Variants in SSBP1 observed in about 807,000 individuals in gnomAD.
The protein encoded by SSBP1 is single-stranded DNA-binding protein, mitochondrial.
A neutral mutation model predicts 27.0 loss-of-function variants in SSBP1; 20 were observed. The ratio of observed to expected loss-of-function variants is 0.74; its 90% CI spans 0.52 to 1.08. The LOEUF (loss-of-function observed/expected upper bound fraction) is 1.08. SSBP1 is among the 50% of genes least tolerant of loss of function. The pLI, the probability that SSBP1 is intolerant of heterozygous loss-of-function variation, is 0.00. For synonymous variants in SSBP1, 59 were observed against 59.3 expected (o/e 1.00, Z 0.02); for missense variants, 137 against 182.4 (o/e 0.75, Z 1.44).
intron 3 of SSBP1, among the ~76,000 whole-genome samples, chr7:141,743,016 A>G (rs556686912): frequency 3.5e-4 from 53 of 152,232 alleles, no homozygotes; most frequent in South Asian, 1.2e-3. Context: ...CACCACGCCC[A>G]GCTAATTTTT....
intron 1 of SSBP1, 38 bp downstream of exon 1, chr7:141,738,448 T>G (rs1180219982): frequency 6.5e-6 from 1 of 152,988 alleles, no homozygotes; most frequent in African/African-American, 2.4e-5. Flanking sequence ...AAGGAAGTGC[T>G]GGAGTCGTGT....
At chr7:141,745,725 T>TA (rs1799757847) in intron 6 of SSBP1, 141 bp downstream of exon 6, 1 of 1,395,072 alleles carries the variant, frequency 7.2e-7, no homozygotes, top group African/African-American at 1.4e-5. Context: ...CCATAACTCT[T>TA]ATTTCTCTAC....
At chr7:141,748,520 T>C (rs1799863931) in intron 6 of SSBP1, among the ~76,000 whole-genome samples, 1 of 152,238 alleles carries the variant, frequency 6.6e-6, no homozygotes, top group African/African-American at 2.4e-5. Context: ...TGTATTAACC[T>C]TGAAAAGCAG....
chr7:141,742,512 G>A lies in SSBP1; in HGVS notation c.85+283G>A, dbSNP rs559224998. Among the ~76,000 whole-genome samples the A allele has an allele frequency of 2.4e-4, 36 of 152,304 alleles. No individual in the cohort carries two copies. In the South Asian group the frequency reaches 7.1e-3, roughly 30 times the overall value. On this transcript the variant is annotated intron_variant, in intron 3 of 6. Transcript: ENST00000265304. ...GGTTATCTGAGTCTTCCCGGGTTAT[G>A]TTGTATTAGGCTGAGATTGTAAAAG...
intron 2 of SSBP1, chr7:141,740,000 T>TA (rs1291141513): frequency 6.6e-6 from 1 of 152,348 alleles, no homozygotes; most frequent in East Asian, 1.9e-4. Context: ...AAGTTTAATT[T>TA]AAAAAATTAT....
chr7:141,739,888 T>C (rs1799459993), intron 2 of SSBP1: 1 of 152,220 alleles, frequency 6.6e-6, no homozygotes, highest in African/African-American at 2.4e-5. Flanking sequence ...CCTGTATGTA[T>C]CTTTAATCTA....
intron 3 of SSBP1, 48 bp downstream of exon 3, chr7:141,742,277 C>A: frequency 1.4e-6 from 2 of 1,438,072 alleles, no homozygotes; most frequent in Non-Finnish European, 9.8e-7. Flanking sequence ...AGTAATTTGC[C>A]AATCTCAAAT....
chr7:141,745,743 G>C, intron 6 of SSBP1, 159 bp downstream of exon 6: 1 of 1,363,124 alleles, frequency 7.3e-7, no homozygotes. Context: ...TACTTGCTAA[G>C]AGTTTGTACA....
intron 6 of SSBP1, among the ~76,000 whole-genome samples, chr7:141,749,325 C>T (rs1799890137): frequency 6.6e-6 from 1 of 152,166 alleles, no homozygotes; most frequent in South Asian, 2.1e-4. Context: ...GAACCAGTCC[C>T]CCAATGGATA....
intron 5 of SSBP1, among the ~76,000 whole-genome samples, chr7:141,744,862 T>C (rs1799714752): frequency 6.6e-6 from 1 of 152,162 alleles, no homozygotes; most frequent in South Asian, 2.1e-4. Context: ...TGTTGTACTT[T>C]TTTGGTGGTG....
intron 6 of SSBP1, among the ~76,000 whole-genome samples, chr7:141,749,119 A>T (rs1488881638): frequency 1.3e-5 from 2 of 152,218 alleles, no homozygotes; most frequent in African/African-American, 2.4e-5. Flanking sequence ...AAAATAATAC[A>T]ACAACAACAA....
At chr7:141,747,869 G>A (rs150721668) in intron 6 of SSBP1, among the ~76,000 whole-genome samples, 20 of 150,964 alleles carry the variant, frequency 1.3e-4, no homozygotes, top group African/African-American at 3.4e-4. Context: ...CTAGTAATGC[G>A]TGTCTGTAGT....
At chr7:141,744,090 A>G (rs1289214953) in intron 5 of SSBP1, 101 bp downstream of exon 5, 4 of 915,246 alleles carry the variant, frequency 4.4e-6, no homozygotes, top group Non-Finnish European at 6.5e-6. Context: ...ATCCCTGAGT[A>G]CTACTAATGA....
In SSBP1 at chr7:141,742,206, C is replaced by G. The variant is rs1468761203; in HGVS notation, c.62C>G (p.Thr21Ser). ...TTTGTAAGACATGAGTCCGAAACAACTACCAGTTTGGTTCTTGAAAGATGT... is the reference window on the plus strand; with the variant it reads ...TTTGTAAGACATGAGTCCGAAACAAGTACCAGTTTGGTTCTTGAAAGATGT... ...RQFVRHESET[T>S]TSLVLERSLN... The change falls in exon 3 of 7, where the codon ACT becomes AGT. Residue 21 changes from threonine (T) to serine (S), a missense_variant. This residue lies in a region of SSBP1 where 42 missense variants were observed against 30.4 expected (regional missense o/e 1.38). Coordinates refer to ENST00000265304, the MANE Select transcript of SSBP1 (RefSeq NM_003143.3). The G allele has an allele frequency of 2.5e-6, 4 of 1,604,362 alleles. No homozygotes were observed. The East Asian group carries it at 8.9e-5, about 36-fold the overall frequency.
intron 1 of SSBP1, 183 bp downstream of exon 1, chr7:141,738,593 G>C (rs1167863526): frequency 6.6e-6 from 1 of 152,564 alleles, no homozygotes; most frequent in Non-Finnish European, 1.5e-5. Context: ...CGCCATCTTC[G>C]GTAAAGGGTG....
chr7:141,746,863 C>T lies in SSBP1; in HGVS notation c.403+1279C>T, dbSNP rs994036260. On this transcript the variant is annotated intron_variant, in intron 6 of 6. Coordinates refer to ENST00000265304, the MANE Select transcript of SSBP1 (RefSeq NM_003143.3). ...TTATTTTTAAATGTATCAATGGAAT[C>T]TAAATAGCATAGCAATGTGATACCT... is the stretch of plus-strand genomic sequence containing the variant. Among the ~76,000 whole-genome samples the T allele has an allele frequency of 6.2e-4, 94 of 152,104 alleles. 4 individuals carry two copies. Among genetic ancestry groups the T allele is most frequent in the Non-Finnish European group, 3.2e-4 (22 of 68,028 alleles).
intron 6 of SSBP1, among the ~76,000 whole-genome samples, chr7:141,749,870 G>A (rs954718145): frequency 1.3e-5 from 2 of 152,192 alleles, no homozygotes; most frequent in Non-Finnish European, 2.9e-5. Flanking sequence ...AGTAAATCCT[G>A]TCATTGCTAA....
intron 6 of SSBP1, among the ~76,000 whole-genome samples, chr7:141,746,713 T>A (rs1030791385): frequency 2.6e-5 from 4 of 152,238 alleles, no homozygotes; most frequent in Admixed American, 2.6e-4. Flanking sequence ...TAAAGAAGAT[T>A]AAGAAGATAT....
At chr7:141,744,671 A>G (rs932913531) in intron 5 of SSBP1, among the ~76,000 whole-genome samples, 7 of 152,230 alleles carry the variant, frequency 4.6e-5, no homozygotes, top group Non-Finnish European at 1.0e-4. Flanking sequence ...TTTCTTTTCA[A>G]TAACTGTATA....
Sources: gnomAD v4.1 joint callset for allele counts (sites outside exome capture counted in the v4.1 genomes callset) on GRCh38, gnomAD v4.1.1 for gene constraint, gnomAD v4.1.1 regional missense constraint, MANE v1.5 for transcripts, NCBI Gene and HGNC (gene_info 2026-07-23, HGNC 2026-07-21) for gene names.